The following CDC27 variants were observed in gnomAD, a reference collection of about 807,000 sequenced individuals.
CDC27 encodes cell division cycle protein 27 homolog.
In CDC27, 27 loss-of-function variants were observed where a neutral mutation model predicts 109.7. The observed-to-expected ratio is 0.25, with a 90% CI of 0.18 to 0.34. CDC27 has a LOEUF of 0.34. Among genes scored for constraint, CDC27 ranks in the 10% least tolerant of loss-of-function variants. CDC27 has a pLI of 1.00. For missense variants in CDC27, 579 were observed against 960.2 expected (o/e 0.60, Z 5.25); for synonymous variants, 266 against 333.9 (o/e 0.80, Z 2.22).
intron 4 of CDC27, 69 bp downstream of exon 4, chr17:47,169,848 G>T: frequency 2.3e-6 from 3 of 1,329,224 alleles, no homozygotes; most frequent in Non-Finnish European, 3.1e-6. Flanking sequence ...GATCAACATA[G>T]GTTTTTTAAA....
chr17:47,166,932 G>T (rs963621223), intron 4 of CDC27, among the ~76,000 whole-genome samples: 2 of 152,132 alleles, frequency 1.3e-5, no homozygotes, highest in East Asian at 1.9e-4. Context: ...TCGACTCACT[G>T]TAACCTCTGC....
At chr17:47,124,652 G>C (rs993265239) in intron 16 of CDC27, among the ~76,000 whole-genome samples, 9 of 152,174 alleles carry the variant, frequency 5.9e-5, no homozygotes, top group Non-Finnish European at 1.3e-4. Context: ...ATTGAGAAGA[G>C]TGGCATTAAC....
chr17:47,129,646 T>C (rs2062258224), intron 15 of CDC27, 125 bp from the exon 16 acceptor site: 2 of 545,544 alleles, frequency 3.7e-6, no homozygotes, highest in Non-Finnish European at 6.4e-6. Flanking sequence ...CTAACTGGAT[T>C]GTCCACTGCA....
At chr17:47,183,586 G>A (rs1272748423) in intron 1 of CDC27, among the ~76,000 whole-genome samples, 1 of 152,094 alleles carries the variant, frequency 6.6e-6, no homozygotes, top group Non-Finnish European at 1.5e-5. Flanking sequence ...CAAGGAAAAA[G>A]ATGAGATTAG....
chr17:47,132,397 A>C (rs1338748371), intron 14 of CDC27, 23 bp from the exon 15 acceptor site: 2 of 1,145,550 alleles, frequency 1.7e-6, no homozygotes, highest in Non-Finnish European at 2.5e-6. Flanking sequence ...AACAAAGTAT[A>C]ATTTTAAAAA....
chr17:47,175,202 A>G (rs982003644), intron 2 of CDC27, among the ~76,000 whole-genome samples: 1 of 152,204 alleles, frequency 6.6e-6, no homozygotes, highest in African/African-American at 2.4e-5. Context: ...AGAGGGGTTT[A>G]ACCTTGCATC....
At chr17:47,188,934 C>G (rs1380999375) in intron 1 of CDC27, 2 of 1,385,156 alleles carry the variant, frequency 1.4e-6, no homozygotes, top group Non-Finnish European at 1.9e-6. Flanking sequence ...CGAAGCCGCT[C>G]ACGCTAAGGG....
At chr17:47,185,514 G>C (rs771713917) in intron 1 of CDC27, among the ~76,000 whole-genome samples, 1 of 152,052 alleles carries the variant, frequency 6.6e-6, no homozygotes, top group African/African-American at 2.4e-5. Context: ...GTTAGAGAAA[G>C]CTTATTACAA....
chr17:47,147,315 C>T (rs1353187260), intron 9 of CDC27, among the ~76,000 whole-genome samples: 10 of 151,474 alleles, frequency 6.6e-5, no homozygotes, highest in East Asian at 3.9e-4. Context: ...AGGAGAATGG[C>T]GTGAACCCGG....
At chr17:47,129,347 T>C in intron 16 of CDC27, 46 bp downstream of exon 16, 1 of 1,389,740 alleles carries the variant, frequency 7.2e-7, no homozygotes, top group Non-Finnish European at 9.9e-7. Flanking sequence ...GATAACGTTG[T>C]TTTTAAGCAA....
At chr17:47,124,749 A>C (rs977886902) in intron 16 of CDC27, among the ~76,000 whole-genome samples, 1 of 152,214 alleles carries the variant, frequency 6.6e-6, no homozygotes, top group African/African-American at 2.4e-5. Flanking sequence ...ATCACATATT[A>C]TGTAGCTTTT....
At chr17:47,166,605 CTTT>C (rs1055865273) in intron 4 of CDC27, among the ~76,000 whole-genome samples, 5 of 152,040 alleles carry the variant, frequency 3.3e-5, no homozygotes, top group Non-Finnish European at 5.9e-5. Context: ...CTGATTTCTA[CTTT>C]TTATTATTTC....
chr17:47,184,162 T>C (rs978398820), intron 1 of CDC27, among the ~76,000 whole-genome samples: 1 of 152,206 alleles, frequency 6.6e-6, no homozygotes, highest in African/African-American at 2.4e-5. Context: ...TTGTGGGAAA[T>C]ACTCAACTTT....
rs556805675 is a variant in CDC27 at position 47,150,046 on chromosome 17, T to G, written c.1070+1760A>C. Among the ~76,000 whole-genome samples the G allele has an allele frequency of 2.0e-5, 3 of 152,256 alleles. No individual in the cohort carries two copies. In the East Asian group the frequency reaches 5.8e-4, roughly 29 times the overall value. ...AACCACAATAATGCACTGTGGGGTT[T>G]ATAACATATATAGAAATTAAATATA... On this transcript the variant is annotated intron_variant, in intron 9 of 18. Transcript: ENST00000066544.
intron 1 of CDC27, among the ~76,000 whole-genome samples, chr17:47,183,923 T>C (rs1337630348): frequency 6.6e-6 from 1 of 152,220 alleles, no homozygotes; most frequent in African/African-American, 2.4e-5. Context: ...TAATAAAGAA[T>C]CTCTGGGAGT....
chr17:47,160,229 T>C (rs2063458887), intron 4 of CDC27, among the ~76,000 whole-genome samples: 1 of 144,424 alleles, frequency 6.9e-6, no homozygotes, highest in Non-Finnish European at 1.5e-5. Flanking sequence ...CTCTCTAGCT[T>C]TTTTTTTTTT....
chr17:47,181,695 A>G, intron 1 of CDC27, 58 bp from the exon 2 acceptor site: 1 of 873,188 alleles, frequency 1.1e-6, no homozygotes, highest in Non-Finnish European at 1.9e-6. Context: ...CAAGGTAACT[A>G]CTAGCACACA....
At chr17:47,159,442 TG>T in intron 4 of CDC27, 1 of 751,094 alleles carries the variant, frequency 1.3e-6, no homozygotes, top group Non-Finnish European at 2.1e-6. Context: ...AGCAGCTTCT[TG>T]GGCACACGTG....
chr17:47,174,990 C>A (rs1634261), intron 2 of CDC27, among the ~76,000 whole-genome samples: 74 of 144,346 alleles, frequency 5.1e-4, no homozygotes, highest in East Asian at 1.2e-3. Context: ...CAGGACAGGA[C>A]AGGAAAGGAA....
Sources: allele counts gnomAD v4.1 joint callset (sites outside exome capture counted in the v4.1 genomes callset), GRCh38; gene constraint gnomAD v4.1.1; transcripts MANE v1.5; gene names NCBI Gene and HGNC (gene_info 2026-07-23, HGNC 2026-07-21).